Variants in PLCE1 observed in about 807,000 individuals in gnomAD.
The protein encoded by PLCE1 is 1-phosphatidylinositol 4,5-bisphosphate phosphodiesterase epsilon-1.
A neutral mutation model predicts 242.8 loss-of-function variants in PLCE1; 119 were observed. That is an observed-to-expected ratio of 0.49 (90% CI 0.42 to 0.57). The LOEUF (loss-of-function observed/expected upper bound fraction) is 0.57. PLCE1 is among the 20% of genes least tolerant of loss of function. The pLI is 0.00. For missense variants in PLCE1, 2,441 were observed against 2,788.8 expected, an observed-to-expected ratio of 0.88 and a Z score of 2.81; for synonymous variants, 945 against 1,017.4, an observed-to-expected ratio of 0.93 and a Z score of 1.35.
At chr10:94,051,930 T>C (rs890173049) in intron 2 of PLCE1, among the ~76,000 whole-genome samples, 2 of 152,236 alleles carry the variant, frequency 1.3e-5, no homozygotes, top group African/African-American at 4.8e-5. Flanking sequence ...AAGTGACCTC[T>C]TCTCCAATTT....
intron 2 of PLCE1, among the ~76,000 whole-genome samples, chr10:94,093,035 A>G (rs2045139632): frequency 6.6e-6 from 1 of 152,198 alleles, no homozygotes; most frequent in Non-Finnish European, 1.5e-5. Flanking sequence ...TGAGTTGACA[A>G]ACTGGATATG....
intron 2 of PLCE1, among the ~76,000 whole-genome samples, chr10:94,039,148 A>T (rs184898422): frequency 2.2e-4 from 33 of 152,194 alleles, no homozygotes; most frequent in Non-Finnish European, 4.1e-4. Context: ...ATTGTTGGAC[A>T]TTGAGTTGTT....
At chr10:94,114,771 TTA>T (rs1425421890) in intron 2 of PLCE1, among the ~76,000 whole-genome samples, 15 of 151,168 alleles carry the variant, frequency 9.9e-5, no homozygotes, top group African/African-American at 3.4e-4. Flanking sequence ...TTTTTTTTTT[TTA>T]ATACTTTAAG....
At position 94,258,940 on chromosome 10, in the gene PLCE1, C is replaced by A; in HGVS notation, c.3677+18C>A. 1.9e-6 allele frequency: 3 copies of A among 1,614,018 alleles called. No homozygotes were observed. The highest frequency in any genetic ancestry group is 2.5e-6 in the Non-Finnish European group (3 of 1,179,962). On this transcript the variant is annotated intron_variant, in intron 12 of 32. Coordinates refer to ENST00000371380, the MANE Select transcript of PLCE1 (RefSeq NM_016341.4). Reference sequence around the variant, plus strand: ...TCATTCAGGTACAGTCTTATGTTTCCTTCTTATTCTTTCTCAGGCCCCCCC... The same window carrying A: ...TCATTCAGGTACAGTCTTATGTTTCATTCTTATTCTTTCTCAGGCCCCCCC...
chr10:94,201,005 C>G (rs2048970397), intron 4 of PLCE1, among the ~76,000 whole-genome samples: 1 of 152,154 alleles, frequency 6.6e-6, no homozygotes, highest in Non-Finnish European at 1.5e-5. Flanking sequence ...GGCATGATGA[C>G]TGAAGGTGAT....
At chr10:94,013,125 T>A (rs563899305) in intron 1 of PLCE1, among the ~76,000 whole-genome samples, 65 of 152,336 alleles carry the variant, frequency 4.3e-4, no homozygotes, top group Admixed American at 1.3e-3. Flanking sequence ...TTCCCCTAAG[T>A]TTGCCTTCCT....
At chr10:94,110,372 C>G (rs907780334) in intron 2 of PLCE1, among the ~76,000 whole-genome samples, 5 of 152,082 alleles carry the variant, frequency 3.3e-5, no homozygotes, top group African/African-American at 1.2e-4. Context: ...AAGGATAGAC[C>G]TTTTCTAAGG....
intron 2 of PLCE1, among the ~76,000 whole-genome samples, chr10:94,051,936 A>G (rs2043777015): frequency 6.6e-6 from 1 of 152,234 alleles, no homozygotes; most frequent in East Asian, 1.9e-4. Flanking sequence ...CCTCTTCTCC[A>G]ATTTCTCCCA....
chr10:94,291,906 C>A (rs1361176438), intron 22 of PLCE1, among the ~76,000 whole-genome samples: 2 of 152,102 alleles, frequency 1.3e-5, no homozygotes, highest in Non-Finnish European at 2.9e-5. Context: ...GATCACTCAG[C>A]CCTTGTTTAC....
intron 2 of PLCE1, among the ~76,000 whole-genome samples, chr10:94,061,952 T>C (rs2044066239): frequency 1.3e-5 from 2 of 152,256 alleles, no homozygotes; most frequent in African/African-American, 4.8e-5. Flanking sequence ...CTTGACCTCT[T>C]CCAACTACAT....
intron 11 of PLCE1, among the ~76,000 whole-genome samples, chr10:94,257,749 T>C (rs111679337): frequency 9.2e-5 from 14 of 152,128 alleles, no homozygotes; most frequent in African/African-American, 3.1e-4. Context: ...GGGCGGGGAA[T>C]ATCACACACC....
Position 94,031,461 on chromosome 10 carries a change from G to A in PLCE1, c.415G>A (p.Gly139Arg). 1 of 1,613,506 alleles carries A rather than the reference G, an allele frequency of 6.2e-7. No homozygotes were observed. Among genetic ancestry groups the A allele is most frequent in the Non-Finnish European group, 8.5e-7 (1 of 1,179,768 alleles). ...TGAGGAAGACTTGTGTTTAGAAACT[G>A]GAATTCCTTCTCCACTGGAAAGAAA... ...VAEEDLCLET[G>R]IPSPLERKVF... is the part of the protein sequence containing the mutation. The change falls in exon 2 of 33, where the codon GGA becomes AGA. Residue 139 changes from glycine to arginine, a missense_variant. Physicochemically the swap from Gly to Arg is moderately radical, Grantham distance 125. Around this residue, in one of 5 missense-constraint regions of PLCE1, gnomAD observed 393 missense variants for 378.5 expected, o/e 1.04. Coordinates refer to ENST00000371380, the MANE Select transcript of PLCE1 (RefSeq NM_016341.4).
chr10:94,144,391 G>A (rs1026605744), intron 3 of PLCE1, among the ~76,000 whole-genome samples: 1 of 152,066 alleles, frequency 6.6e-6, no homozygotes, highest in African/African-American at 2.4e-5. Context: ...CTACAGAATT[G>A]ATCATTTTCC....
At chr10:94,036,009 G>A (rs749623298) in intron 2 of PLCE1, among the ~76,000 whole-genome samples, 10 of 152,136 alleles carry the variant, frequency 6.6e-5, no homozygotes, top group Non-Finnish European at 1.3e-4. Flanking sequence ...GAGAATAAGG[G>A]CAATGTAATG....
rs577869012 is a variant in PLCE1, at chr10:94,031,960, A to T, written c.914A>T (p.Asp305Val). 5 of 1,613,852 alleles carry T rather than the reference A, an allele frequency of 3.1e-6. No homozygotes were observed. In the South Asian group the frequency reaches 5.5e-5, roughly 18 times the overall value. ...TTGAGCCATTTTGAGGACTTCCCTG[A>T]TAATTGTGATGATGTAGAAGAAGAC... ...TFLSHFEDFP[D>V]NCDDVEEDAF... Residue 305 changes from aspartate to valine, a missense_variant, in exon 2 of 33, where the codon GAT becomes GTT. This residue lies in a region of PLCE1 where 393 missense variants were observed against 378.5 expected (regional missense o/e 1.04). Coordinates refer to ENST00000371380, the MANE Select transcript of PLCE1 (RefSeq NM_016341.4).
rs749717429 is a variant in PLCE1, at chr10:94,132,196, A to T, written c.1229A>T (p.Glu410Val). ...CAGATCTACAATGCAGTGAGAAGAG[A>T]AGAAACAGAAAATACAGTTGGATCT... is the stretch of plus-strand genomic sequence containing the variant. ...WYPIYNAVRR[E>V]ETENTVGSLL... Residue 410 changes from glutamate (E) to valine (V), a missense_variant, in exon 3 of 33, where the codon GAA becomes GTA. Around this residue, in one of 5 missense-constraint regions of PLCE1, gnomAD observed 733 missense variants for 754.2 expected, o/e 0.97. Coordinates refer to ENST00000371380, the MANE Select transcript of PLCE1 (RefSeq NM_016341.4). 6.2e-7 allele frequency: 1 copy of T among 1,614,112 alleles called. No individual in the cohort carries two copies. Among genetic ancestry groups the T allele is most frequent in the South Asian group, 1.1e-5 (1 of 91,068 alleles).
At chr10:94,111,790 G>A (rs979867178) in intron 2 of PLCE1, among the ~76,000 whole-genome samples, 4 of 152,184 alleles carry the variant, frequency 2.6e-5, no homozygotes, top group Non-Finnish European at 5.9e-5. Context: ...CCAGTATAAT[G>A]ATCAATGGAT....
intron 4 of PLCE1, among the ~76,000 whole-genome samples, chr10:94,203,000 T>C (rs531053987): frequency 6.6e-6 from 1 of 152,356 alleles, no homozygotes; most frequent in East Asian, 1.9e-4. Context: ...TAGGTGATAA[T>C]AGCTACAATT....
intron 1 of PLCE1, among the ~76,000 whole-genome samples, chr10:94,000,438 A>G (rs1209306455): frequency 6.6e-6 from 1 of 152,246 alleles, no homozygotes; most frequent in Non-Finnish European, 1.5e-5. Flanking sequence ...TAGGTTTTGT[A>G]AGAATTAAAT....
Sources: gnomAD v4.1 joint callset for allele counts (sites outside exome capture counted in the v4.1 genomes callset) on GRCh38, gnomAD v4.1.1 for gene constraint, gnomAD v4.1.1 regional missense constraint, MANE v1.5 for transcripts, NCBI Gene and HGNC (gene_info 2026-07-23, HGNC 2026-07-21) for gene names.